The following ABRAXAS2 variants were observed in gnomAD, a reference collection of about 807,000 sequenced individuals.
ABRAXAS2 encodes the protein BRISC complex subunit Abraxas 2.
Under a neutral mutation model 49.0 loss-of-function variants are expected in ABRAXAS2, and 23 were observed. The observed-to-expected ratio is 0.47, with a 90% CI of 0.34 to 0.66. ABRAXAS2 has a LOEUF of 0.66. Among genes scored for constraint, ABRAXAS2 ranks in the 30% least tolerant of loss-of-function variants. The probability of loss-of-function intolerance (pLI) is 0.01; values close to 1 mark genes in which losing one functional copy is unlikely to be tolerated. For missense variants in ABRAXAS2, 443 were observed against 511.9 expected, an observed-to-expected ratio of 0.87 and a Z score of 1.30; for synonymous variants, 168 against 180.2, an observed-to-expected ratio of 0.93 and a Z score of 0.54.
intron 1 of ABRAXAS2, 32 bp from the exon 2 acceptor site, chr10:124,806,799 A>T: frequency 7.3e-7 from 1 of 1,361,858 alleles, no homozygotes; most frequent in African/African-American, 1.5e-5. Context: ...TTTTATTTTT[A>T]GTCTGCAATT....
At chr10:124,813,150 G>A (rs906882856) in intron 2 of ABRAXAS2, among the ~76,000 whole-genome samples, 6 of 152,144 alleles carry the variant, frequency 3.9e-5, no homozygotes, top group Non-Finnish European at 5.9e-5. Flanking sequence ...GCAGTGAGTC[G>A]AGATCGTGCC....
chr10:124,821,738 G>A (rs1950862561), intron 4 of ABRAXAS2, among the ~76,000 whole-genome samples: 1 of 152,184 alleles, frequency 6.6e-6, no homozygotes, highest in African/African-American at 2.4e-5. Flanking sequence ...GTGGGTAATG[G>A]GGAAGCAGTA....
At chr10:124,810,022 C>T (rs1336973343) in intron 2 of ABRAXAS2, among the ~76,000 whole-genome samples, 1 of 152,020 alleles carries the variant, frequency 6.6e-6, no homozygotes, top group Non-Finnish European at 1.5e-5. Context: ...CAAAGTGCTG[C>T]GATTGCAGGC....
At chr10:124,832,465 A>G (rs1319044143) in intron 8 of ABRAXAS2, among the ~76,000 whole-genome samples, 1 of 152,244 alleles carries the variant, frequency 6.6e-6, no homozygotes, top group African/African-American at 2.4e-5. Flanking sequence ...TAATAAGAAT[A>G]TATATAATCC....
chr10:124,831,199 T>C (rs566056748), intron 7 of ABRAXAS2, 150 bp from the exon 8 acceptor site: 2 of 614,888 alleles, frequency 3.3e-6, no homozygotes, highest in South Asian at 1.9e-5. Context: ...TCTAGTCTTT[T>C]GGGCTTTCAT....
At chr10:124,812,020 G>A (rs1439661497) in intron 2 of ABRAXAS2, among the ~76,000 whole-genome samples, 2 of 152,056 alleles carry the variant, frequency 1.3e-5, no homozygotes, top group Non-Finnish European at 2.9e-5. Context: ...TGGGTGATCC[G>A]CCCACCTTGG....
chr10:124,812,089 A>G (rs1950793703), intron 2 of ABRAXAS2, among the ~76,000 whole-genome samples: 1 of 152,228 alleles, frequency 6.6e-6, no homozygotes, highest in African/African-American at 2.4e-5. Flanking sequence ...AATAATTAAA[A>G]TTCTATATAA....
intron 4 of ABRAXAS2, among the ~76,000 whole-genome samples, chr10:124,822,302 GAGCCCATTTTATATAACAACAAA>G (rs1950866559): frequency 6.6e-6 from 1 of 152,162 alleles, no homozygotes; most frequent in African/African-American, 2.4e-5. Context: ...ATTGTAGTTT[GAGCCCATTTTATATAACAACAAA>G]AGCCTGAGTG....
intron 4 of ABRAXAS2, among the ~76,000 whole-genome samples, chr10:124,825,617 A>G (rs1282428863): frequency 6.6e-6 from 1 of 152,200 alleles, no homozygotes; most frequent in African/African-American, 2.4e-5. Flanking sequence ...TGTCAAAACA[A>G]TCTCAATTTA....
At chr10:124,816,937 A>T (rs1167775849) in intron 3 of ABRAXAS2, among the ~76,000 whole-genome samples, 1 of 152,226 alleles carries the variant, frequency 6.6e-6, no homozygotes, top group Non-Finnish European at 1.5e-5. Flanking sequence ...GTTCAACTTT[A>T]AAAATGTAAG....
chr10:124,807,354 GA>G (rs1564918208), intron 2 of ABRAXAS2, among the ~76,000 whole-genome samples: 1 of 128,562 alleles, frequency 7.8e-6, no homozygotes, highest in African/African-American at 2.9e-5. Context: ...AGAGTATGTA[GA>G]AAAAAACGAA....
chr10:124,805,687 T>C lies in ABRAXAS2; in HGVS notation c.73-1144T>C, dbSNP rs11813879. Among the ~76,000 whole-genome samples, 1,076 of 152,108 alleles carry C rather than the reference T, an allele frequency of 7.1e-3. 22 individuals carry two copies. The highest frequency in any genetic ancestry group is 0.025 in the African/African-American group (1,026 of 41,522). ...GACCAAGAAGAAAAAGAATGTAAGG[T>C]AAAGGGGGCAGAGTGCCTGGCAGAT... On this transcript the variant is annotated intron_variant, in intron 1 of 8. Transcript: ENST00000298492.
In ABRAXAS2 at chr10:124,836,629, A is replaced by G. The variant is rs1950970089; in HGVS notation, c.*1658A>G. ...GAAATCTACAATGTATATCTGACAA[A>G]GCAGTTAAATGTGACAATAAAAAAC... On this transcript the variant is annotated 3_prime_UTR_variant, in exon 9 of 9. Transcript: ENST00000298492. The G allele has an allele frequency of 6.6e-6, 1 of 152,630 alleles. No individual in the cohort carries two copies. Among genetic ancestry groups the G allele is most frequent in the Non-Finnish European group, 1.5e-5 (1 of 68,032 alleles). 9.5% of individuals were successfully genotyped at this position (152,630 alleles called of 1,614,324 possible). A position where few individuals can be genotyped will look rare whatever the true frequency, so the allele number is the denominator to read the frequency against.
At chr10:124,827,310 C>T (rs989488924) in intron 5 of ABRAXAS2, among the ~76,000 whole-genome samples, 1 of 151,866 alleles carries the variant, frequency 6.6e-6, no homozygotes, top group African/African-American at 2.4e-5. Context: ...CAGGCACACA[C>T]CACCATGCTG....
chr10:124,804,372 T>C (rs1950726423), intron 1 of ABRAXAS2, among the ~76,000 whole-genome samples: 1 of 152,254 alleles, frequency 6.6e-6, no homozygotes. Context: ...TTATTTGTTA[T>C]CTGAAATTAA....
chr10:124,834,079 G>A (rs1328416547), intron 8 of ABRAXAS2, among the ~76,000 whole-genome samples: 1 of 152,136 alleles, frequency 6.6e-6, no homozygotes, highest in African/African-American at 2.4e-5. Context: ...CCGTGTACAG[G>A]ATGTTTCCAT....
intron 1 of ABRAXAS2, among the ~76,000 whole-genome samples, chr10:124,802,569 G>T (rs1262213634): frequency 6.6e-6 from 1 of 152,196 alleles, no homozygotes; most frequent in Non-Finnish European, 1.5e-5. Flanking sequence ...GATGGGAAAT[G>T]CATAGGCTGT....
intron 4 of ABRAXAS2, 82 bp from the exon 5 acceptor site, chr10:124,826,513 C>A: frequency 7.3e-7 from 1 of 1,371,416 alleles, no homozygotes; most frequent in Non-Finnish European, 1.0e-6. Flanking sequence ...CTACTATGAA[C>A]ATTTGTGCAT....
At chr10:124,819,583 AT>A in intron 4 of ABRAXAS2, 133 bp downstream of exon 4, 1 of 782,570 alleles carries the variant, frequency 1.3e-6, no homozygotes, top group Non-Finnish European at 2.1e-6. Context: ...ACCTACATAG[AT>A]TTTTTGATGT....
Sources: gnomAD v4.1 joint callset for allele counts (sites outside exome capture counted in the v4.1 genomes callset) on GRCh38, gnomAD v4.1.1 for gene constraint, MANE v1.5 for transcripts, NCBI Gene and HGNC (gene_info 2026-07-23, HGNC 2026-07-21) for gene names.